Variants in GON4L observed in about 807,000 individuals in gnomAD.
GON4L encodes the protein gon-4 like, also known as GON-4-like protein.
A neutral mutation model predicts 211.8 loss-of-function variants in GON4L; 87 were observed. The observed-to-expected ratio is 0.41, with a 90% CI of 0.35 to 0.49. GON4L has a LOEUF of 0.49. GON4L is among the 20% of genes least tolerant of loss of function. The pLI, the probability that GON4L is intolerant of heterozygous loss-of-function variation, is 0.15. For missense variants in GON4L, 2,155 were observed against 2,659.5 expected (o/e 0.81, Z 4.17); for synonymous variants, 875 against 962.6 (o/e 0.91, Z 1.68).
At position 155,771,237 on chromosome 1, in the gene GON4L, C is replaced by A. The variant is rs770198131; in HGVS notation, c.2496-20G>T. ...AACAAACTGAGAAAGGAGAATAACA[C>A]TAAATCTCACTTCACAGTCCTTCCT... On this transcript the variant is annotated intron_variant, in intron 18 of 31. Coordinates refer to ENST00000368331, the MANE Select transcript of GON4L (RefSeq NM_001282860.2). 1.2e-5 allele frequency: 19 copies of A among 1,613,478 alleles called. No homozygotes were observed. Among genetic ancestry groups the A allele is most frequent in the Non-Finnish European group, 1.6e-5 (19 of 1,179,538 alleles).
chr1:155,771,024 A>G (rs372100815), intron 19 of GON4L, 43 bp downstream of exon 19: 7 of 1,613,316 alleles, frequency 4.3e-6, no homozygotes, highest in Non-Finnish European at 5.9e-6. Flanking sequence ...GAATGGGTAC[A>G]TATTGGTGAG....
intron 19 of GON4L, among the ~76,000 whole-genome samples, chr1:155,767,893 T>G (rs1333285977): frequency 6.6e-6 from 1 of 152,142 alleles, no homozygotes; most frequent in Non-Finnish European, 1.5e-5. Context: ...GATCAACAGC[T>G]GCAAAGACAA....
chr1:155,795,616 T>C (rs1270591291), intron 11 of GON4L, among the ~76,000 whole-genome samples: 7 of 151,612 alleles, frequency 4.6e-5, no homozygotes, highest in Non-Finnish European at 5.9e-5. Context: ...GGAATAGCCA[T>C]TGGAGCATTT....
chr1:155,789,692 G>C (rs1459200685), intron 12 of GON4L, among the ~76,000 whole-genome samples: 1 of 152,010 alleles, frequency 6.6e-6, no homozygotes, highest in Non-Finnish European at 1.5e-5. Flanking sequence ...GACGGACAGG[G>C]AGATGGACAG....
intron 10 of GON4L, among the ~76,000 whole-genome samples, chr1:155,806,814 T>C (rs1667168552): frequency 1.3e-5 from 2 of 152,138 alleles, no homozygotes; most frequent in Non-Finnish European, 2.9e-5. Context: ...TTAAGTATAA[T>C]ACCGCTGGCT....
chr1:155,789,747 G>A (rs1756242), intron 12 of GON4L, among the ~76,000 whole-genome samples: 142,311 of 152,052 alleles, frequency 0.94, 67,365 homozygotes, highest in East Asian at 1. Context: ...ATCTGTGGAG[G>A]TTGGTTCCAG....
At chr1:155,834,778 G>A (rs926916478) in intron 2 of GON4L, among the ~76,000 whole-genome samples, 2 of 152,146 alleles carry the variant, frequency 1.3e-5, no homozygotes, top group African/African-American at 4.8e-5. Context: ...TCTCAGTTCC[G>A]GGAAGTCCTC....
chr1:155,771,423 T>G (rs1442793248), intron 18 of GON4L, among the ~76,000 whole-genome samples: 1 of 152,174 alleles, frequency 6.6e-6, no homozygotes, highest in Non-Finnish European at 1.5e-5. Flanking sequence ...AGTCTCAGCC[T>G]CCCAAAGTGC....
chr1:155,826,592 C>G (rs35790033), intron 3 of GON4L, among the ~76,000 whole-genome samples: 11,111 of 151,178 alleles, frequency 0.073, 554 homozygotes, highest in Non-Finnish European at 0.11. Context: ...AAAATTGAAC[C>G]AATATATGAT....
intron 11 of GON4L, among the ~76,000 whole-genome samples, chr1:155,798,728 TC>T (rs1666339983): frequency 6.6e-6 from 1 of 151,818 alleles, no homozygotes. Flanking sequence ...ATCAAAAAGT[TC>T]TTAACAAACA....
chr1:155,765,451 T>G lies in GON4L; in HGVS notation c.4022A>C (p.Glu1341Ala). Residue 1341 changes from glutamate (E) to alanine (A), a missense_variant, in exon 21 of 32, where the codon GAG becomes GCG. Glu to Ala is a moderately radical substitution (Grantham distance 107, BLOSUM62 -1). This residue lies in a region of GON4L where 615 missense variants were observed against 625.7 expected (regional missense o/e 0.98). Transcript: ENST00000368331. ...EAREEISGSP[E>A]RDICDDIKVE... ...TTTGATGTCATCACAAATATCACGC[T>G]CAGGGGATCCACTGATTTCCTCTCT... The G allele has an allele frequency of 6.2e-7, 1 of 1,614,154 alleles. No homozygotes were observed. Among genetic ancestry groups the G allele is most frequent in the Non-Finnish European group, 8.5e-7 (1 of 1,180,024 alleles).
rs775761026 is a variant in GON4L, at chr1:155,765,335, C to T, written c.4138G>A (p.Glu1380Lys). The T allele has an allele frequency of 6.2e-7, 1 of 1,614,212 alleles. No homozygotes were observed. Among genetic ancestry groups the T allele is most frequent in the South Asian group, 1.1e-5 (1 of 91,086 alleles). ...EVTKQTVLQK[E>K]EERSQPTKTP... Reference sequence around the variant, plus strand: ...TTAGTTGGCTGACTCCTCTCCTCTTCCTTCTGTAAGACTGTCTGTTTCGTT... The same window carrying T: ...TTAGTTGGCTGACTCCTCTCCTCTTTCTTCTGTAAGACTGTCTGTTTCGTT... The change falls in exon 21 of 32, where the codon GAA (glutamate) becomes AAA (lysine). Residue 1380 changes from glutamate to lysine, a missense_variant. By Grantham distance (56) the Glu-to-Lys change is moderately conservative (BLOSUM62 1). Coordinates refer to ENST00000368331, the MANE Select transcript of GON4L (RefSeq NM_001282860.2).
At chr1:155,787,089 T>C (rs1474673363) in intron 12 of GON4L, among the ~76,000 whole-genome samples, 1 of 34,026 alleles carries the variant, frequency 2.9e-5, no homozygotes, top group Non-Finnish European at 1.6e-4. Flanking sequence ...GCCTGGCTAA[T>C]TTTTTGTATT....
At chr1:155,773,338 C>T in intron 17 of GON4L, 128 bp from the exon 18 acceptor site, 1 of 998,412 alleles carries the variant, frequency 1.0e-6, no homozygotes, top group Non-Finnish European at 1.5e-6. Flanking sequence ...CCCATCTGCC[C>T]ACCATCCCCC....
chr1:155,782,979 A>T (rs999120574), intron 14 of GON4L, among the ~76,000 whole-genome samples: 1 of 152,112 alleles, frequency 6.6e-6, no homozygotes, highest in Non-Finnish European at 1.5e-5. Flanking sequence ...AAATTTTAAG[A>T]AGTTACAAAG....
At chr1:155,820,927 A>T (rs1270236667) in intron 5 of GON4L, among the ~76,000 whole-genome samples, 7 of 152,134 alleles carry the variant, frequency 4.6e-5, no homozygotes, top group Admixed American at 1.3e-4. Context: ...GTTTGAGTCC[A>T]GCCTTGGTGA....
Position 155,762,172 on chromosome 1 carries a change from G to A in GON4L, c.4911+18C>T, listed in dbSNP as rs1210578016. 4 of 1,584,612 alleles carry A rather than the reference G, an allele frequency of 2.5e-6. No individual in the cohort carries two copies. In the Admixed American group the frequency reaches 5.3e-5, roughly 21 times the overall value. On this transcript the variant is annotated intron_variant, in intron 23 of 31. Transcript: ENST00000368331. ...CATTCATAGAGACTGGCAATAACAGGAAGCAGCATTTGCCTACCCTGGTCA... is the reference window on the plus strand; with the variant it reads ...CATTCATAGAGACTGGCAATAACAGAAAGCAGCATTTGCCTACCCTGGTCA...
At chr1:155,813,058 G>T (rs922857314) in intron 10 of GON4L, among the ~76,000 whole-genome samples, 1 of 152,156 alleles carries the variant, frequency 6.6e-6, no homozygotes, top group Non-Finnish European at 1.5e-5. Context: ...AGGTTAATTT[G>T]GGGGAATTTG....
chr1:155,814,557 C>T (rs530830364), intron 8 of GON4L, 108 bp from the exon 9 acceptor site: 65 of 1,175,240 alleles, frequency 5.5e-5, no homozygotes, highest in South Asian at 2.4e-4. Flanking sequence ...CTCAGCCTGG[C>T]CAACATGGTG....
Sources: allele counts gnomAD v4.1 joint callset (sites outside exome capture counted in the v4.1 genomes callset), GRCh38; gene constraint gnomAD v4.1.1; regional missense constraint gnomAD v4.1.1; transcripts MANE v1.5; gene names NCBI Gene and HGNC (gene_info 2026-07-23, HGNC 2026-07-21).